Variants in CCSER1 observed in about 807,000 individuals in gnomAD.
CCSER1 encodes coiled-coil serine rich protein 1.
Under a neutral mutation model 82.0 loss-of-function variants are expected in CCSER1, and 41 were observed. The observed-to-expected ratio is 0.50, with a 90% CI of 0.39 to 0.65. CCSER1 has a LOEUF of 0.65. CCSER1 is among the 30% of genes least tolerant of loss of function. The probability of loss-of-function intolerance (pLI) is 0.00; values close to 1 mark genes in which losing one functional copy is unlikely to be tolerated. For synonymous variants in CCSER1, 414 were observed against 383.9 expected, an observed-to-expected ratio of 1.08 and a Z score of -0.92; for missense variants, 1,119 against 1,064.2, an observed-to-expected ratio of 1.05 and a Z score of -0.72.
chr4:91,151,754 G>C (rs1179581743), intron 10 of CCSER1, among the ~76,000 whole-genome samples: 4 of 152,186 alleles, frequency 2.6e-5, no homozygotes, highest in Admixed American at 2.6e-4. Context: ...TCAAGAGCAG[G>C]TTGTTCAGTT....
intron 5 of CCSER1, among the ~76,000 whole-genome samples, chr4:90,485,311 C>T (rs180975113): frequency 7.0e-4 from 106 of 152,312 alleles, no homozygotes; most frequent in African/African-American, 2.4e-3. Context: ...TTCCCTGACC[C>T]GTTGCACTTC....
At chr4:90,157,035 T>C (rs946445297) in intron 1 of CCSER1, among the ~76,000 whole-genome samples, 2 of 152,360 alleles carry the variant, frequency 1.3e-5, no homozygotes, top group African/African-American at 4.8e-5. Flanking sequence ...CCATGTTTAG[T>C]GCTTCCTTCA....
chr4:90,883,546 T>C (rs890144359), intron 8 of CCSER1, among the ~76,000 whole-genome samples: 1 of 150,806 alleles, frequency 6.6e-6, no homozygotes. Context: ...GAGATTTTTT[T>C]TTTAGGTCGA....
At chr4:90,399,932 A>G (rs1354852375) in intron 3 of CCSER1, 104 bp from the exon 4 acceptor site, 1 of 565,548 alleles carries the variant, frequency 1.8e-6, no homozygotes, top group Admixed American at 2.9e-5. Flanking sequence ...AAAACTTTTC[A>G]TTCTGATTTG....
intron 9 of CCSER1, among the ~76,000 whole-genome samples, chr4:91,037,126 G>A (rs1741500257): frequency 6.6e-6 from 1 of 151,962 alleles, no homozygotes; most frequent in Admixed American, 6.6e-5. Context: ...ACTGATGCCT[G>A]AACTGCTAGA....
At chr4:90,692,928 T>G (rs927945023) in intron 6 of CCSER1, among the ~76,000 whole-genome samples, 1 of 151,992 alleles carries the variant, frequency 6.6e-6, no homozygotes, top group Non-Finnish European at 1.5e-5. Flanking sequence ...TCATTTTAAA[T>G]GCATGTCCTT....
At chr4:90,928,358 A>C (rs1487176399) in intron 9 of CCSER1, among the ~76,000 whole-genome samples, 1 of 152,070 alleles carries the variant, frequency 6.6e-6, no homozygotes, top group Non-Finnish European at 1.5e-5. Flanking sequence ...GTAATGTTCT[A>C]AGGGCATCAC....
chr4:91,231,946 T>C (rs1448232033), intron 10 of CCSER1, among the ~76,000 whole-genome samples: 1 of 151,820 alleles, frequency 6.6e-6, no homozygotes, highest in Non-Finnish European at 1.5e-5. Context: ...CTGTTGAATT[T>C]AGAGCAAAAA....
chr4:91,305,398 A>G (rs1744976997), intron 10 of CCSER1, among the ~76,000 whole-genome samples: 1 of 152,108 alleles, frequency 6.6e-6, no homozygotes, highest in Non-Finnish European at 1.5e-5. Context: ...TGTAAGGTGC[A>G]GAAATTTTTT....
At chr4:90,533,520 C>A (rs551458273) in intron 5 of CCSER1, among the ~76,000 whole-genome samples, 75 of 152,316 alleles carry the variant, frequency 4.9e-4, no homozygotes, top group African/African-American at 1.6e-3. Context: ...ATTGCAGATA[C>A]CTTCCAGATT....
chr4:90,702,579 T>C (rs1042908648), intron 6 of CCSER1, among the ~76,000 whole-genome samples: 3 of 152,184 alleles, frequency 2.0e-5, no homozygotes, highest in African/African-American at 7.2e-5. Context: ...CTGCTAGAAT[T>C]CGGCTGTGAA....
chr4:90,918,363 A>T (rs1241606284), intron 8 of CCSER1: 2 of 418,520 alleles, frequency 4.8e-6, no homozygotes, highest in Non-Finnish European at 9.4e-6. Flanking sequence ...AATTGGACTG[A>T]TTTTTTGGGA....
chr4:90,834,174 C>T (rs1282986155), intron 8 of CCSER1, among the ~76,000 whole-genome samples: 1 of 152,180 alleles, frequency 6.6e-6, no homozygotes, highest in Admixed American at 6.5e-5. Context: ...CTGTAAGATT[C>T]CAGCAATCAG....
intron 10 of CCSER1, among the ~76,000 whole-genome samples, chr4:91,225,316 A>C (rs1210941055): frequency 2.3e-5 from 3 of 128,242 alleles, no homozygotes; most frequent in Non-Finnish European, 4.7e-5. Flanking sequence ...TATATATGTA[A>C]TATATATGTA....
intron 1 of CCSER1, among the ~76,000 whole-genome samples, chr4:90,266,865 C>T (rs868136425): frequency 3.9e-5 from 6 of 152,084 alleles, no homozygotes; most frequent in Non-Finnish European, 4.4e-5. Flanking sequence ...ACAGGGACTA[C>T]AAATCCTAGG....
intron 10 of CCSER1, among the ~76,000 whole-genome samples, chr4:91,205,920 G>A (rs1736306517): frequency 6.6e-6 from 1 of 151,812 alleles, no homozygotes; most frequent in Admixed American, 6.6e-5. Context: ...AGATCAACAG[G>A]AGCCCTAGCA....
chr4:90,369,188 A>G (rs940658086), intron 3 of CCSER1, among the ~76,000 whole-genome samples: 2 of 132,468 alleles, frequency 1.5e-5, no homozygotes, highest in Admixed American at 1.5e-4. Context: ...AAGGACAAAG[A>G]TTAGGATGAG....
chr4:90,498,621 T>G (rs1346941656), intron 5 of CCSER1, among the ~76,000 whole-genome samples: 1 of 152,172 alleles, frequency 6.6e-6, no homozygotes, highest in African/African-American at 2.4e-5. Context: ...CAACAATTGT[T>G]TGGTTTAATA....
intron 8 of CCSER1, among the ~76,000 whole-genome samples, chr4:90,856,933 A>ATT (rs200607986): frequency 1.4e-5 from 2 of 139,630 alleles, no homozygotes; most frequent in Non-Finnish European, 1.6e-5. Context: ...TCGGAGCTGG[A>ATT]TTTTTTTTTT....
Sources: allele counts gnomAD v4.1 joint callset (sites outside exome capture counted in the v4.1 genomes callset), GRCh38; gene constraint gnomAD v4.1.1; transcripts MANE v1.5; gene names NCBI Gene and HGNC (gene_info 2026-07-23, HGNC 2026-07-21).